Variants in ZNF385D observed in about 807,000 individuals in gnomAD.
The protein encoded by ZNF385D is zinc finger protein 385D.
Under a neutral mutation model 35.8 loss-of-function variants are expected in ZNF385D, and 15 were observed. That is an observed-to-expected ratio of 0.42 (90% CI 0.28 to 0.64). ZNF385D has a LOEUF of 0.64. ZNF385D is among the 30% of genes least tolerant of loss of function. The pLI, the probability that ZNF385D is intolerant of heterozygous loss-of-function variation, is 0.23. For missense variants in ZNF385D, 474 were observed against 494.6 expected, an observed-to-expected ratio of 0.96 and a Z score of 0.39; for synonymous variants, 212 against 186.8, an observed-to-expected ratio of 1.13 and a Z score of -1.10.
At chr3:21,431,694 A>G (rs1701301419) in intron 5 of ZNF385D, among the ~76,000 whole-genome samples, 1 of 152,160 alleles carries the variant, frequency 6.6e-6, no homozygotes, top group African/African-American at 2.4e-5. Flanking sequence ...AGTTTAAAGA[A>G]GTTACAACAG....
rs1196577945 is a variant in ZNF385D, at chr3:22,241,485, T to G, written c.107-72450A>C. ...GGCCTTGCTTCATCCACTGACTCAG[T>G]TTCCAAATCGTGGACAAGATTGATT... is the stretch of plus-strand genomic sequence containing the variant. On this transcript the variant is annotated intron_variant, in intron 2 of 5. Coordinates refer to the ZNF385D transcript ENST00000494108. 2.0e-5 allele frequency among the ~76,000 whole-genome samples: 3 copies of G among 151,298 alleles called. 1 individual carries two copies. Among genetic ancestry groups the G allele is most frequent in the Admixed American group, 2.0e-4 (3 of 15,194 alleles).
rs529344725 is a variant in ZNF385D, at chr3:21,902,980, T to C, written c.326-237952A>G. Among the ~76,000 whole-genome samples the C allele has an allele frequency of 6.6e-5, 10 of 152,178 alleles. No individual in the cohort carries two copies. The South Asian group carries it at 1.2e-3, about 19-fold the overall frequency. On this transcript the variant is annotated intron_variant, in intron 3 of 5. Coordinates refer to the ZNF385D transcript ENST00000494108. ...CATCAATACAGACCTGTTTCTGTCA[T>C]CTTTGAGACCACAACTCAAACTTCA...
chr3:21,532,681 CAAAAA>C (rs58032064), intron 3 of ZNF385D, among the ~76,000 whole-genome samples: 1,924 of 126,850 alleles, frequency 0.015, 34 homozygotes, highest in African/African-American at 0.055. Flanking sequence ...ATAATATTTC[CAAAAA>C]AAAAAAAACA....
chr3:21,827,957 G>A (rs1426805708), intron 3 of ZNF385D, among the ~76,000 whole-genome samples: 1 of 152,136 alleles, frequency 6.6e-6, no homozygotes, highest in East Asian at 1.9e-4. Context: ...AATCTACCTG[G>A]ATAAATGTTA....
intron 2 of ZNF385D, among the ~76,000 whole-genome samples, chr3:22,247,243 TAAAAG>T (rs989853130): frequency 1.3e-5 from 2 of 152,116 alleles, no homozygotes; most frequent in African/African-American, 4.8e-5. Context: ...ACCATCTGAT[TAAAAG>T]AAAAAATAAT....
At chr3:21,795,017 T>A (rs1294516245) in intron 3 of ZNF385D, among the ~76,000 whole-genome samples, 1 of 152,234 alleles carries the variant, frequency 6.6e-6, no homozygotes, top group African/African-American at 2.4e-5. Flanking sequence ...ATAGTCAGTG[T>A]CCGCTGTAGG....
At chr3:21,728,225 G>A (rs1171163409) in intron 1 of ZNF385D, among the ~76,000 whole-genome samples, 3 of 151,696 alleles carry the variant, frequency 2.0e-5, no homozygotes, top group African/African-American at 4.8e-5. Context: ...CATGTCACGT[G>A]TATACCTATG....
At chr3:21,654,709 A>G (rs2066021551) in intron 2 of ZNF385D, among the ~76,000 whole-genome samples, 1 of 152,182 alleles carries the variant, frequency 6.6e-6, no homozygotes, top group Admixed American at 6.6e-5. Context: ...GACTTACAAA[A>G]TATAGCCATA....
chr3:21,595,650 C>A (rs749573148), intron 2 of ZNF385D, among the ~76,000 whole-genome samples: 27 of 152,142 alleles, frequency 1.8e-4, no homozygotes, highest in Admixed American at 7.8e-4. Flanking sequence ...TCTCTTCTAT[C>A]CCAGGACTCC....
At chr3:21,953,372 T>C (rs1383115861) in intron 3 of ZNF385D, among the ~76,000 whole-genome samples, 2 of 151,990 alleles carry the variant, frequency 1.3e-5, no homozygotes, top group African/African-American at 4.8e-5. Context: ...GATCTTTGAA[T>C]TCCATTCTGA....
At chr3:22,208,723 A>C (rs1411934941) in intron 2 of ZNF385D, among the ~76,000 whole-genome samples, 1 of 151,782 alleles carries the variant, frequency 6.6e-6, no homozygotes, top group Non-Finnish European at 1.5e-5. Flanking sequence ...AAATTAAAAA[A>C]AAAATTTAAA....
Position 22,347,421 on chromosome 3 carries a change from G to A in ZNF385D, c.106+25029C>T, listed in dbSNP as rs199566453. Among the ~76,000 whole-genome samples the A allele has an allele frequency of 6.0e-4, 92 of 152,248 alleles. 1 individual carries two copies. The East Asian group carries it at 0.015, about 24-fold the overall frequency. ...AAAGGTCTCTCCCAGTATCATAATA[G>A]TTAACTGTACTTGATCTATAGCCCC... is the stretch of plus-strand genomic sequence containing the variant. On this transcript the variant is annotated intron_variant, in intron 2 of 5. Transcript: ENST00000494108.
intron 2 of ZNF385D, among the ~76,000 whole-genome samples, chr3:22,305,326 A>G (rs1394383942): frequency 2.0e-5 from 3 of 152,110 alleles, no homozygotes; most frequent in Non-Finnish European, 2.9e-5. Context: ...TTTTTAAAAA[A>G]TTCTTTATTT....
At chr3:21,932,034 G>A (rs1173081226) in intron 3 of ZNF385D, among the ~76,000 whole-genome samples, 1 of 151,808 alleles carries the variant, frequency 6.6e-6, no homozygotes, top group Non-Finnish European at 1.5e-5. Flanking sequence ...GGGAGCGGTG[G>A]CGGGCACCTG....
chr3:21,788,599 C>T (rs557057462), intron 3 of ZNF385D, among the ~76,000 whole-genome samples: 12 of 152,314 alleles, frequency 7.9e-5, no homozygotes, highest in African/African-American at 2.6e-4. Context: ...CCATGTTAGG[C>T]CATCAGTAAG....
chr3:21,574,308 A>T lies in ZNF385D; in HGVS notation c.166-9624T>A, dbSNP rs557182178. On this transcript the variant is annotated intron_variant, in intron 2 of 7. Transcript: ENST00000281523. ...ACACAAGAAAAGTCTCTACGTGAAT[A>T]AAGTCCGCAAATTCCTAACTGAAAA... is the stretch of plus-strand genomic sequence containing the variant. 1.2e-3 allele frequency among the ~76,000 whole-genome samples: 187 copies of T among 152,224 alleles called. 1 individual carries two copies. The highest frequency in any genetic ancestry group is 4.3e-3 in the African/African-American group (178 of 41,508).
At chr3:21,813,747 G>A (rs1467143298) in intron 3 of ZNF385D, among the ~76,000 whole-genome samples, 2 of 152,184 alleles carry the variant, frequency 1.3e-5, no homozygotes, top group Non-Finnish European at 2.9e-5. Context: ...GACAGTGACG[G>A]GGAGAATGGA....
intron 3 of ZNF385D, among the ~76,000 whole-genome samples, chr3:21,822,166 G>T (rs1315108072): frequency 6.6e-6 from 1 of 151,952 alleles, no homozygotes; most frequent in Non-Finnish European, 1.5e-5. Context: ...CTGCCTCCTG[G>T]ATTCACGCCA....
chr3:22,061,492 TA>T (rs893959173), intron 3 of ZNF385D, among the ~76,000 whole-genome samples: 10 of 152,086 alleles, frequency 6.6e-5, no homozygotes, highest in Non-Finnish European at 8.8e-5. Context: ...ATCTCACTCT[TA>T]AAAGTATACC....
Sources: gnomAD v4.1 joint callset for allele counts (sites outside exome capture counted in the v4.1 genomes callset) on GRCh38, gnomAD v4.1.1 for gene constraint, MANE v1.5 for transcripts, NCBI Gene and HGNC (gene_info 2026-07-23, HGNC 2026-07-21) for gene names.